The following TRAF3IP1 variants were observed in gnomAD, a reference collection of about 807,000 sequenced individuals.
TRAF3IP1 encodes TRAF3-interacting protein 1.
In TRAF3IP1, 53 loss-of-function variants were observed where a neutral mutation model predicts 89.9. That is an observed-to-expected ratio of 0.59 (90% confidence interval 0.47 to 0.74). The LOEUF (loss-of-function observed/expected upper bound fraction) is 0.74, where lower values mean the gene tolerates loss of function less well. Among genes scored for constraint, TRAF3IP1 ranks in the 30% least tolerant of loss-of-function variants. The pLI is 0.00. For synonymous variants in TRAF3IP1, 311 were observed against 322.1 expected, an observed-to-expected ratio of 0.97 and a Z score of 0.37; for missense variants, 806 against 866.1, an observed-to-expected ratio of 0.93 and a Z score of 0.87.
In TRAF3IP1 at chr2:238,338,440, C is replaced by G. The variant is rs766887017; in HGVS notation, c.1142C>G (p.Thr381Arg). The G allele has an allele frequency of 1.3e-6, 2 of 1,586,740 alleles. No homozygotes were observed. Among genetic ancestry groups the G allele is most frequent in the Non-Finnish European group, 8.6e-7 (1 of 1,165,222 alleles). The change falls in exon 8 of 17, where the codon ACG becomes AGG. Residue 381 changes from threonine to arginine, a missense_variant. Physicochemically the swap from Thr to Arg is moderately conservative, Grantham distance 71. Transcript: ENST00000373327. ...ATAAATAATGAGCCAAATCAGGAAA[C>G]GACAACATCAGAAATAGGTAAGAAA... Reference protein sequence around the residue: ...SGINNEPNQETTTSEIGTKEA... With the variant: ...SGINNEPNQERTTSEIGTKEA...
chr2:238,372,105 CATTT>C (rs1259826858), intron 15 of TRAF3IP1, among the ~76,000 whole-genome samples: 5 of 152,056 alleles, frequency 3.3e-5, no homozygotes, highest in African/African-American at 1.2e-4. Context: ...AAGTAACATT[CATTT>C]AAAAGTTTTT....
chr2:238,370,366 A>G (rs980593673), intron 15 of TRAF3IP1, among the ~76,000 whole-genome samples: 1 of 151,942 alleles, frequency 6.6e-6, no homozygotes, highest in Admixed American at 6.6e-5. Context: ...GTATACATGT[A>G]TACGTGTGCA....
At chr2:238,393,553 A>G (rs1472213883) in intron 15 of TRAF3IP1, among the ~76,000 whole-genome samples, 1 of 152,214 alleles carries the variant, frequency 6.6e-6, no homozygotes, top group Non-Finnish European at 1.5e-5. Context: ...TTTGGTGTCA[A>G]GTCTTCGAAC....
chr2:238,384,360 GTA>G (rs1700671182), intron 15 of TRAF3IP1, among the ~76,000 whole-genome samples: 1 of 126,770 alleles, frequency 7.9e-6, no homozygotes, highest in Non-Finnish European at 1.7e-5. Context: ...ATGTATGTAT[GTA>G]TGTATGTATG....
intron 15 of TRAF3IP1, among the ~76,000 whole-genome samples, chr2:238,369,889 C>T (rs1295945676): frequency 6.6e-6 from 1 of 152,148 alleles, no homozygotes; most frequent in African/African-American, 2.4e-5. Flanking sequence ...TCTCTTACTG[C>T]CATGATTTTC....
chr2:238,366,781 T>C (rs1481402703), intron 15 of TRAF3IP1, among the ~76,000 whole-genome samples: 1 of 152,180 alleles, frequency 6.6e-6, no homozygotes, highest in Non-Finnish European at 1.5e-5. Context: ...ATTCAGTTTC[T>C]AAGTAGTGTA....
At position 238,397,524 on chromosome 2, in the gene TRAF3IP1, G is replaced by A. The variant is rs1388042644; in HGVS notation, c.1755G>A (p.Lys585=). The A allele has an allele frequency of 6.2e-7, 1 of 1,613,116 alleles. No individual in the cohort carries two copies. Among genetic ancestry groups the A allele is most frequent in the South Asian group, 1.1e-5 (1 of 91,088 alleles). Residue 585 remains lysine, a synonymous_variant, in exon 16 of 17, where the codon AAG becomes AAA. Transcript: ENST00000373327. ...EKDIVSKEIE[K]LRTSIQTLCK... Reference sequence around the variant, plus strand: ...ACATCGTTTCCAAGGAGATAGAGAAGCTCCGCACGTCCATCCAGACCCTGT... The same window carrying A: ...ACATCGTTTCCAAGGAGATAGAGAAACTCCGCACGTCCATCCAGACCCTGT...
Position 238,325,392 on chromosome 2 carries a change from T to G in TRAF3IP1, c.192+18T>G, listed in dbSNP as rs1245124640. Reference sequence around the variant, plus strand: ...ATGTGAAGGTGGGTTTGAGTCGGGCTTCTCCTATTGACTCCTCGCCTTAAC... The same window carrying G: ...ATGTGAAGGTGGGTTTGAGTCGGGCGTCTCCTATTGACTCCTCGCCTTAAC... On this transcript the variant is annotated intron_variant, in intron 2 of 16. Coordinates refer to ENST00000373327, the MANE Select transcript of TRAF3IP1 (RefSeq NM_015650.4). 1 of 1,613,950 alleles carries G rather than the reference T, an allele frequency of 6.2e-7. No individual in the cohort carries two copies. The highest frequency in any genetic ancestry group is 8.5e-7 in the Non-Finnish European group (1 of 1,179,920).
chr2:238,334,077 A>ATT, intron 7 of TRAF3IP1, 42 bp downstream of exon 7: 46 of 1,030,674 alleles, frequency 4.5e-5, no homozygotes, highest in African/African-American at 6.5e-5. Flanking sequence ...TATGGATATT[A>ATT]GTTTTTTTTT....
intron 1 of TRAF3IP1, among the ~76,000 whole-genome samples, chr2:238,321,126 G>A (rs928827231): frequency 2.0e-5 from 3 of 152,172 alleles, no homozygotes; most frequent in Non-Finnish European, 4.4e-5. Context: ...TCCGTGAGGA[G>A]GTCCTGCCCC....
intron 15 of TRAF3IP1, among the ~76,000 whole-genome samples, chr2:238,361,784 A>G (rs1468560659): frequency 2.6e-5 from 4 of 151,064 alleles, no homozygotes; most frequent in East Asian, 3.9e-4. Context: ...GTGTGGTTCC[A>G]TGAAAAACCT....
intron 8 of TRAF3IP1, among the ~76,000 whole-genome samples, chr2:238,342,547 A>G (rs1443095639): frequency 6.6e-6 from 1 of 152,224 alleles, no homozygotes; most frequent in Non-Finnish European, 1.5e-5. Flanking sequence ...TAATGCATTT[A>G]TAATTTGCTT....
chr2:238,350,007 G>T (rs1023501862), intron 12 of TRAF3IP1, among the ~76,000 whole-genome samples: 3 of 152,028 alleles, frequency 2.0e-5, no homozygotes, highest in Non-Finnish European at 1.5e-5. Context: ...GGAGGTGGAG[G>T]TTATAATGAG....
At chr2:238,330,961 G>A (rs1698088413) in intron 5 of TRAF3IP1, among the ~76,000 whole-genome samples, 1 of 152,098 alleles carries the variant, frequency 6.6e-6, no homozygotes, top group Admixed American at 6.5e-5. Context: ...TTTTAGAGGT[G>A]TAAGAAAAAA....
intron 7 of TRAF3IP1, among the ~76,000 whole-genome samples, chr2:238,337,630 G>A (rs1028761761): frequency 6.6e-6 from 1 of 152,260 alleles, no homozygotes; most frequent in Admixed American, 6.5e-5. Flanking sequence ...GTTTGGACCA[G>A]AGTGCCAGTG....
chr2:238,338,696 T>G (rs1056691202), intron 8 of TRAF3IP1, among the ~76,000 whole-genome samples: 1 of 152,256 alleles, frequency 6.6e-6, no homozygotes, highest in Non-Finnish European at 1.5e-5. Context: ...ACATAGATTA[T>G]TTTTACATTT....
chr2:238,361,990 C>G (rs540345167), intron 15 of TRAF3IP1, among the ~76,000 whole-genome samples: 3 of 152,190 alleles, frequency 2.0e-5, no homozygotes, highest in Non-Finnish European at 4.4e-5. Flanking sequence ...CACCTTCATC[C>G]GAGTTGCCTG....
intron 15 of TRAF3IP1, among the ~76,000 whole-genome samples, chr2:238,378,541 A>G (rs926316470): frequency 2.0e-5 from 3 of 152,336 alleles, no homozygotes; most frequent in South Asian, 4.1e-4. Context: ...CCAATATAAA[A>G]CTATATTTAA....
chr2:238,321,984 A>G (rs1001203044), intron 1 of TRAF3IP1, among the ~76,000 whole-genome samples: 1 of 152,146 alleles, frequency 6.6e-6, no homozygotes, highest in African/African-American at 2.4e-5. Context: ...ACAGTGCCTA[A>G]AAATGCTCTC....
Sources: gnomAD v4.1 joint callset for allele counts (sites outside exome capture counted in the v4.1 genomes callset) on GRCh38, gnomAD v4.1.1 for gene constraint, MANE v1.5 for transcripts, NCBI Gene and HGNC (gene_info 2026-07-23, HGNC 2026-07-21) for gene names.